GPR75: variants seen among roughly 807,000 people sequenced by gnomAD.
The protein encoded by GPR75 is G protein-coupled receptor 75, also known as probable G protein-coupled receptor 75.
In GPR75, 27 loss-of-function variants were observed where a neutral mutation model predicts 26.0. The ratio of observed to expected loss-of-function variants is 1.04; its 90% CI spans 0.77 to 1.43. The LOEUF is 1.43. GPR75 is among the 40% of genes most tolerant of loss of function. The pLI is 0.00. For synonymous variants in GPR75, 285 were observed against 256.3 expected (o/e 1.11, Z -1.07); for missense variants, 699 against 662.3 (o/e 1.06, Z -0.61).
chr2:53,856,489 C>G (rs919453430), intron 1 of GPR75, among the ~76,000 whole-genome samples: 2 of 152,190 alleles, frequency 1.3e-5, no homozygotes, highest in Non-Finnish European at 1.5e-5. Flanking sequence ...AGCTGTTAAC[C>G]CTTTAGTTGC....
At position 53,853,762 on chromosome 2, in the gene GPR75, A is replaced by G. The variant is rs1340426549; in HGVS notation, c.995T>C (p.Val332Ala). The part of the protein sequence containing the change: ...TCVIIVLSVL[V>A]CCLPLGISLV... ...GGAAATCCCCAGTGGAAGACAGCAC[A>G]CCAGGACTGACAGCACAATGATCAC... Residue 332 changes from valine (V) to alanine (A), a missense_variant, in exon 2 of 2, where the codon GTG becomes GCG. Val to Ala is a moderately conservative substitution (Grantham distance 64, BLOSUM62 0). Transcript: ENST00000394705. The G allele has an allele frequency of 1.9e-6, 3 of 1,614,102 alleles. No individual in the cohort carries two copies. Among genetic ancestry groups the G allele is most frequent in the African/African-American group, 2.7e-5 (2 of 74,948 alleles).
Position 53,854,367 on chromosome 2 carries a change from G to A in GPR75, c.390C>T (p.Ile130=), listed in dbSNP as rs1168256796. The A allele has an allele frequency of 2.5e-6, 4 of 1,614,010 alleles. No homozygotes were observed. The highest frequency in any genetic ancestry group is 1.1e-5 in the South Asian group (1 of 91,084). The change falls in exon 2 of 2, where the codon ATC becomes ATT. Residue 130 remains isoleucine, a synonymous_variant. Transcript: ENST00000394705. ...TCACTGCCACTGTCTTCAGAGACAT[G>A]ATGATGAAGCCTGAACTGGTGAGAT... ...TFHLTSSGFI[I]MSLKTVAVIA...
rs1558628444 is a variant in GPR75 at position 53,853,541 on chromosome 2, G to A, written c.1216C>T (p.Arg406Ter). The A allele has an allele frequency of 1.2e-6, 2 of 1,614,000 alleles. No individual in the cohort carries two copies. The highest frequency in any genetic ancestry group is 1.7e-5 in the Admixed American group (1 of 59,990). Reference sequence around the variant, plus strand: ...TTCCCTTTTCCCATGGCTCGAAGTCGAGTCTTTTGTTTGCAGCAGAAAAAA... The same window carrying A: ...TTCCCTTTTCCCATGGCTCGAAGTCAAGTCTTTTGTTTGCAGCAGAAAAAA... ...LGFFCCKQKT[R>*]LRAMGKGNLE... The change falls in exon 2 of 2, where the codon CGA (arginine) becomes TGA (stop). Residue 406 changes from arginine (R) to a stop codon, truncating the protein, a stop_gained. Transcript: ENST00000394705. LOFTEE classifies it high-confidence loss of function.
intron 1 of GPR75, among the ~76,000 whole-genome samples, chr2:53,858,408 C>CAA (rs1462083042): frequency 2.8e-4 from 25 of 87,904 alleles, no homozygotes; most frequent in Admixed American, 5.5e-4. Context: ...GATAGACACA[C>CAA]ACACACACAC....
intron 1 of GPR75, among the ~76,000 whole-genome samples, chr2:53,857,302 T>C (rs1202478704): frequency 6.6e-6 from 1 of 152,102 alleles, no homozygotes; most frequent in African/African-American, 2.4e-5. Context: ...TAAAAGTTGC[T>C]AACAGGAGTA....
chr2:53,853,656 G>A lies in GPR75; in HGVS notation c.1101C>T (p.Phe367=), dbSNP rs1358916549. ...FELFGFTLIF[F]KSGLNPFIYS... ...ATATAAAAGGGTTTAATCCTGACTT[G>A]AAAAATATAAGAGTAAATCCAAACA... The change falls in exon 2 of 2, where the codon TTC becomes TTT. Residue 367 remains phenylalanine, a synonymous_variant. Transcript: ENST00000394705. 2 of 1,613,892 alleles carry A rather than the reference G, an allele frequency of 1.2e-6. No homozygotes were observed. The highest frequency in any genetic ancestry group is 1.7e-6 in the Non-Finnish European group (2 of 1,179,894).
intron 1 of GPR75, among the ~76,000 whole-genome samples, chr2:53,857,576 C>T (rs1290362030): frequency 6.6e-6 from 1 of 151,890 alleles, no homozygotes; most frequent in African/African-American, 2.4e-5. Context: ...ATGAAGACCT[C>T]AGGCTAAGAG....
In GPR75 at chr2:53,854,282, G is replaced by A. The variant is rs765053116; in HGVS notation, c.475C>T (p.Pro159Ser). 6.2e-7 allele frequency: 1 copy of A among 1,614,126 alleles called. No individual in the cohort carries two copies. The highest frequency in any genetic ancestry group is 1.1e-5 in the South Asian group (1 of 91,076). The stretch of plus-strand genomic sequence containing the variant: ...AGCAGGGTGAGGAGTACGGTGCAGG[G>A]AAAGGAGGCCGTGCGATTAGGCTGT... ...GKQPNRTASF[P>S]CTVLLTLLLW... is the part of the protein sequence containing the mutation. The change falls in exon 2 of 2, where the codon CCC (proline) becomes TCC (serine). Residue 159 changes from proline (P) to serine (S), a missense_variant. Pro to Ser is a moderately conservative substitution (Grantham distance 74). Transcript: ENST00000394705.
chr2:53,859,651 A>T (rs1000066296), intron 1 of GPR75, among the ~76,000 whole-genome samples, 177 bp downstream of exon 1: 1 of 151,600 alleles, frequency 6.6e-6, no homozygotes, highest in African/African-American at 2.4e-5. Context: ...GGCCGAGCAG[A>T]GCCTGGGAAC....
In GPR75 at chr2:53,856,946, A is replaced by ATTTTTTTTTTTT. The variant is rs10665107; in HGVS notation, c.-109-2093_-109-2082dup. Among the ~76,000 whole-genome samples the ATTTTTTTTTTTT allele has an allele frequency of 7.9e-4, 62 of 78,960 alleles. 4 individuals are homozygous for ATTTTTTTTTTTT. The highest frequency in any genetic ancestry group is 2.4e-3 in the African/African-American group (48 of 20,216). The allele number at this position is 78,960 out of a possible 152,430, so 51.8% of individuals were successfully genotyped here. On this transcript the variant is annotated intron_variant, in intron 1 of 1. Coordinates refer to ENST00000394705, the MANE Select transcript of GPR75 (RefSeq NM_006794.4). Reference sequence around the variant, plus strand: ...TGATACCTATATAATGAGAAAGACAATTTTTTTTTTTTTTTTTTTTTTTTT... The same window carrying ATTTTTTTTTTTT: ...TGATACCTATATAATGAGAAAGACAATTTTTTTTTTTTTTTTTTTTTTTTTTTTTTTTTTTTT...
Position 53,853,905 on chromosome 2 carries a change from C to G in GPR75, c.852G>C (p.Gln284His), listed in dbSNP as rs756741532. 6.2e-7 allele frequency: 1 copy of G among 1,614,054 alleles called. No individual in the cohort carries two copies. Among genetic ancestry groups the G allele is most frequent in the Non-Finnish European group, 8.5e-7 (1 of 1,179,994 alleles). The change falls in exon 2 of 2, where the codon CAG becomes CAC. Residue 284 changes from glutamine to histidine, a missense_variant. Gln to His is a conservative substitution (Grantham distance 24, BLOSUM62 0). Transcript: ENST00000394705. ...TGGGACTCTTGGTATATCCACGGGT[C>G]TGAACGTGCTGCAGTTTGTTGTAAT... ...NQNYNKLQHVQTRGYTKSPNQ... is the reference protein window; with the variant it reads ...NQNYNKLQHVHTRGYTKSPNQ...
At position 53,854,274 on chromosome 2, in the gene GPR75, G is replaced by A. The variant is rs148674592; in HGVS notation, c.483C>T (p.Thr161=). Reference sequence around the variant, plus strand: ...CCCAGAGAAGCAGGGTGAGGAGTACGGTGCAGGGAAAGGAGGCCGTGCGAT... The same window carrying A: ...CCCAGAGAAGCAGGGTGAGGAGTACAGTGCAGGGAAAGGAGGCCGTGCGAT... ...QPNRTASFPC[T]VLLTLLLWAT... is the part of the protein sequence containing the mutation. The change falls in exon 2 of 2, where the codon ACC becomes ACT. Residue 161 remains threonine, a synonymous_variant. Coordinates refer to ENST00000394705, the MANE Select transcript of GPR75 (RefSeq NM_006794.4). The A allele has an allele frequency of 1.0e-4, 166 of 1,614,098 alleles. No homozygotes were observed. In the African/African-American group the frequency reaches 1.6e-3, roughly 15 times the overall value.
At chr2:53,855,052 C>T (rs1678191820) in intron 1 of GPR75, among the ~76,000 whole-genome samples, 187 bp from the exon 2 acceptor site, 1 of 152,000 alleles carries the variant, frequency 6.6e-6, no homozygotes. Context: ...AACTCCTGTG[C>T]TCAAGCAGTC....
Position 53,854,221 on chromosome 2 carries a change from G to T in GPR75, c.536C>A (p.Ala179Asp). 6.2e-7 allele frequency: 1 copy of T among 1,614,138 alleles called. No individual in the cohort carries two copies. The highest frequency in any genetic ancestry group is 8.5e-7 in the Non-Finnish European group (1 of 1,180,042). ...WATSFTLATL[A>D]TLKTSKSHLC... ...GTGGGACTTGCTGGTTTTCAAGGTAGCCAAGGTGGCAAGGGTGAAACTGGT... is the reference window on the plus strand; with the variant it reads ...GTGGGACTTGCTGGTTTTCAAGGTATCCAAGGTGGCAAGGGTGAAACTGGT... The change falls in exon 2 of 2, where the codon GCT (alanine) becomes GAT (aspartate). Residue 179 changes from alanine to aspartate, a missense_variant. Transcript: ENST00000394705.
At position 53,854,039 on chromosome 2, in the gene GPR75, G is replaced by T; in HGVS notation, c.718C>A (p.Pro240Thr). 6.2e-7 allele frequency: 1 copy of T among 1,614,200 alleles called. No individual in the cohort carries two copies. The highest frequency in any genetic ancestry group is 8.5e-7 in the Non-Finnish European group (1 of 1,180,036). ...CTGGAAGCATCGACTGTGATTACAG[G>T]GGGGCACTTTCTGACTTGAGCGTTC... ...RKNAQVRKCP[P>T]VITVDASRPQ... is the part of the protein sequence containing the mutation. The change falls in exon 2 of 2, where the codon CCT (proline) becomes ACT (threonine). Residue 240 changes from proline to threonine, a missense_variant. Physicochemically the swap from Pro to Thr is conservative, Grantham distance 38. Transcript: ENST00000394705.
intron 1 of GPR75, 46 bp downstream of exon 1, chr2:53,859,782 C>A: frequency 6.9e-7 from 1 of 1,441,106 alleles, no homozygotes; most frequent in South Asian, 1.3e-5. Flanking sequence ...GGAGCCGTCT[C>A]CGGCATCGTG....
At chr2:53,858,071 G>C (rs1182455140) in intron 1 of GPR75, among the ~76,000 whole-genome samples, 3 of 152,044 alleles carry the variant, frequency 2.0e-5, no homozygotes, top group African/African-American at 4.8e-5. Context: ...TCTCCATTTT[G>C]CAGATGAGGA....
chr2:53,856,001 A>G (rs1409251485), intron 1 of GPR75, among the ~76,000 whole-genome samples: 1 of 152,208 alleles, frequency 6.6e-6, no homozygotes, highest in African/African-American at 2.4e-5. Flanking sequence ...ACTGCTATAT[A>G]AATGTGAGTT....
In GPR75 at chr2:53,859,943, C is replaced by T. The variant is rs769966446; in HGVS notation, c.-225G>A. 1.3e-4 allele frequency: 188 copies of T among 1,491,920 alleles called. No homozygotes were observed. In the African/African-American group the frequency reaches 2.4e-3, roughly 19 times the overall value. 92.4% of individuals were successfully genotyped at this position (1,491,920 alleles called of 1,614,324 possible). On this transcript the variant is annotated 5_prime_UTR_variant, in exon 1 of 2. Transcript: ENST00000394705. ...ATCATCGCCATCGCCACCGCCTCCGCGCATCCCGGGAGCCGCGGCAAGACG... is the reference window on the plus strand; with the variant it reads ...ATCATCGCCATCGCCACCGCCTCCGTGCATCCCGGGAGCCGCGGCAAGACG...
Sources: gnomAD v4.1 joint callset for allele counts (sites outside exome capture counted in the v4.1 genomes callset) on GRCh38, gnomAD v4.1.1 for gene constraint, MANE v1.5 for transcripts, NCBI Gene and HGNC (gene_info 2026-07-23, HGNC 2026-07-21) for gene names.